Variants in CWC27 observed in about 807,000 individuals in gnomAD.
CWC27 encodes spliceosome-associated protein CWC27 homolog.
CWC27 carries 47 observed loss-of-function variants against 63.6 expected under a neutral mutation model. The observed-to-expected ratio is 0.74, with a 90% CI of 0.58 to 0.94. The LOEUF (loss-of-function observed/expected upper bound fraction) is 0.94. Among genes scored for constraint, CWC27 ranks in the 40% least tolerant of loss-of-function variants. The pLI, the probability that CWC27 is intolerant of heterozygous loss-of-function variation, is 0.00. For synonymous variants in CWC27, 175 were observed against 179.8 expected (o/e 0.97, Z 0.22); for missense variants, 495 against 554.3 (o/e 0.89, Z 1.07).
intron 13 of CWC27, among the ~76,000 whole-genome samples, chr5:65,013,600 T>A (rs1749998568): frequency 6.6e-6 from 1 of 152,222 alleles, no homozygotes; most frequent in African/African-American, 2.4e-5. Flanking sequence ...AAGGGTAGAC[T>A]GAGGTATTTA....
intron 12 of CWC27, among the ~76,000 whole-genome samples, chr5:64,974,876 G>T (rs1196708236): frequency 6.6e-6 from 1 of 152,056 alleles, no homozygotes; most frequent in Non-Finnish European, 1.5e-5. Flanking sequence ...AATACAATAA[G>T]AATGAATAAA....
rs187905417 is a variant in CWC27, at chr5:64,786,432, T to C, written c.496-92T>C. The C allele has an allele frequency of 2.5e-4, 163 of 663,534 alleles. No homozygotes were observed. In the African/African-American group the frequency reaches 2.6e-3, roughly 11 times the overall value. The allele number at this position is 663,534 out of a possible 1,614,324, so 41.1% of individuals were successfully genotyped here. A position where few individuals can be genotyped will look rare whatever the true frequency, so the allele number is the denominator to read the frequency against. The stretch of plus-strand genomic sequence containing the variant: ...AATAATGTTTATGTGGGGAAAAATA[T>C]AGACACTATACCACTGGAATTACAT... On this transcript the variant is annotated intron_variant, in intron 5 of 13. Coordinates refer to ENST00000381070, the MANE Select transcript of CWC27 (RefSeq NM_005869.4).
intron 10 of CWC27, among the ~76,000 whole-genome samples, chr5:64,862,288 T>G (rs1304096553): frequency 6.6e-6 from 1 of 152,152 alleles, no homozygotes; most frequent in East Asian, 1.9e-4. Context: ...TCCATGCTAC[T>G]ATGGCCAGCG....
intron 13 of CWC27, among the ~76,000 whole-genome samples, chr5:64,996,811 A>G (rs943913053): frequency 6.6e-6 from 1 of 152,160 alleles, no homozygotes; most frequent in Non-Finnish European, 1.5e-5. Context: ...AACATAGTGC[A>G]TCAGTATTTT....
At chr5:64,942,824 A>G (rs184635271) in intron 11 of CWC27, among the ~76,000 whole-genome samples, 1 of 152,366 alleles carries the variant, frequency 6.6e-6, no homozygotes, top group East Asian at 1.9e-4. Context: ...TAGACACTTC[A>G]GCTTTAATTT....
At chr5:64,786,461 G>T (rs984027489) in intron 5 of CWC27, 63 bp from the exon 6 acceptor site, 21 of 952,094 alleles carry the variant, frequency 2.2e-5, no homozygotes, top group Non-Finnish European at 3.1e-5. Flanking sequence ...ATTACATACG[G>T]GGTTTGATTT....
rs560676034 is a variant in CWC27, at chr5:64,837,086, C to T, written c.938+32700C>T. 2.6e-5 allele frequency among the ~76,000 whole-genome samples: 4 copies of T among 152,166 alleles called. No individual in the cohort carries two copies. In the East Asian group the frequency reaches 5.8e-4, roughly 22 times the overall value. Reference sequence around the variant, plus strand: ...CTGCAGTAAGACATTTGTGGGTGTGCGTAATTGCGGTTCACAAGTCATTCA... The same window carrying T: ...CTGCAGTAAGACATTTGTGGGTGTGTGTAATTGCGGTTCACAAGTCATTCA... On this transcript the variant is annotated intron_variant, in intron 10 of 13. Coordinates refer to ENST00000381070, the MANE Select transcript of CWC27 (RefSeq NM_005869.4).
At chr5:64,930,325 A>T (rs190437243) in intron 11 of CWC27, among the ~76,000 whole-genome samples, 103 of 152,156 alleles carry the variant, frequency 6.8e-4, no homozygotes, top group Non-Finnish European at 1.3e-3. Flanking sequence ...GTTTTACAAC[A>T]TTGTGATTAT....
intron 7 of CWC27, among the ~76,000 whole-genome samples, chr5:64,792,513 T>A (rs1219643787): frequency 6.6e-6 from 1 of 152,198 alleles, no homozygotes; most frequent in Non-Finnish European, 1.5e-5. Context: ...CTTTTCTAAA[T>A]GTCTTTTCCA....
At position 64,929,898 on chromosome 5, in the gene CWC27, TA is replaced by T. The variant is rs1230408524; in HGVS notation, c.1043-41792del. The stretch of plus-strand genomic sequence containing the variant: ...ACCAAGAGAATTGAAAGCAAGTGTT[TA>T]AAAAAAAAAAAACTTGTACACAAAT... On this transcript the variant is annotated intron_variant, in intron 11 of 13. Coordinates refer to ENST00000381070, the MANE Select transcript of CWC27 (RefSeq NM_005869.4). Among the ~76,000 whole-genome samples, 1,308 of 141,450 alleles carry T rather than the reference TA, an allele frequency of 9.2e-3. 19 individuals are homozygous for T. The highest frequency in any genetic ancestry group is 0.03 in the African/African-American group (1,170 of 39,078). 92.8% of individuals were successfully genotyped at this position (141,450 alleles called of 152,430 possible). A position where few individuals can be genotyped will look rare whatever the true frequency, so the allele number is the denominator to read the frequency against.
At chr5:64,803,473 T>C (rs1280360003) in intron 9 of CWC27, among the ~76,000 whole-genome samples, 1 of 152,158 alleles carries the variant, frequency 6.6e-6, no homozygotes, top group Non-Finnish European at 1.5e-5. Flanking sequence ...GTGTATCAGA[T>C]AGGTGATAAG....
In CWC27 at chr5:65,018,308, A is replaced by G. The variant is rs769044224; in HGVS notation, c.1406A>G (p.Lys469Arg). 1 of 1,592,224 alleles carries G rather than the reference A, an allele frequency of 6.3e-7. No individual in the cohort carries two copies. Among genetic ancestry groups the G allele is most frequent in the Non-Finnish European group, 8.5e-7 (1 of 1,173,996 alleles). Residue 469 changes from lysine to arginine, a missense_variant, in exon 14 of 14, where the codon AAA becomes AGA. Transcript: ENST00000381070. Reference protein sequence around the residue: ...EESKKLMREKKERR With the variant: ...EESKKLMREKRERR ...AGCAAAAAGCTGATGAGAGAGAAAAAAGAAAGAAGATAAAATGAGAATAAT... is the reference window on the plus strand; with the variant it reads ...AGCAAAAAGCTGATGAGAGAGAAAAGAGAAAGAAGATAAAATGAGAATAAT...
chr5:64,878,301 A>T (rs771534600), intron 10 of CWC27, among the ~76,000 whole-genome samples: 1 of 151,620 alleles, frequency 6.6e-6, no homozygotes, highest in African/African-American at 2.4e-5. Flanking sequence ...ATTAGAGTAG[A>T]TATCTTTAGC....
At chr5:64,846,824 T>C (rs939479260) in intron 10 of CWC27, among the ~76,000 whole-genome samples, 3 of 151,888 alleles carry the variant, frequency 2.0e-5, no homozygotes, top group Non-Finnish European at 4.4e-5. Flanking sequence ...TGAGACCCTA[T>C]CTCTACTAAA....
intron 10 of CWC27, among the ~76,000 whole-genome samples, chr5:64,841,971 C>T (rs775663106): frequency 5.6e-4 from 85 of 152,212 alleles, no homozygotes; most frequent in Non-Finnish European, 1.1e-3. Context: ...TGAGCCACCA[C>T]GCCCAGCCAA....
At chr5:64,941,242 AT>A (rs1257795734) in intron 11 of CWC27, among the ~76,000 whole-genome samples, 3 of 152,260 alleles carry the variant, frequency 2.0e-5, no homozygotes, top group East Asian at 3.9e-4. Flanking sequence ...GGAAAATCAT[AT>A]TTAGAAAATC....
At chr5:64,999,966 A>C (rs1361992306) in intron 13 of CWC27, among the ~76,000 whole-genome samples, 1 of 152,030 alleles carries the variant, frequency 6.6e-6, no homozygotes, top group Non-Finnish European at 1.5e-5. Context: ...AGTGTATAAG[A>C]GTTACCTTTC....
rs527925123 is a variant in CWC27, at chr5:64,997,732, G to T, written c.1257-20427G>T. On this transcript the variant is annotated intron_variant, in intron 13 of 13. Coordinates refer to ENST00000381070, the MANE Select transcript of CWC27 (RefSeq NM_005869.4). ...TCCTTGAGGCTAGTACTAAGAAAAAGTAGGGGAGGGGACACAGATAAAGGA... is the reference window on the plus strand; with the variant it reads ...TCCTTGAGGCTAGTACTAAGAAAAATTAGGGGAGGGGACACAGATAAAGGA... Among the ~76,000 whole-genome samples the T allele has an allele frequency of 4.6e-5, 7 of 152,224 alleles. No homozygotes were observed. In the East Asian group the frequency reaches 1.2e-3, roughly 25 times the overall value.
chr5:64,841,806 G>C (rs983447839), intron 10 of CWC27, among the ~76,000 whole-genome samples: 3 of 152,260 alleles, frequency 2.0e-5, no homozygotes, highest in African/African-American at 4.8e-5. Context: ...CTCCTGAGTA[G>C]CTGGGATTAC....
Sources: gnomAD v4.1 joint callset for allele counts (sites outside exome capture counted in the v4.1 genomes callset) on GRCh38, gnomAD v4.1.1 for gene constraint, MANE v1.5 for transcripts, NCBI Gene and HGNC (gene_info 2026-07-23, HGNC 2026-07-21) for gene names.